NUDT21: variants seen among roughly 807,000 people sequenced by gnomAD.
NUDT21 encodes nudix hydrolase 21, also known as cleavage and polyadenylation specificity factor subunit 5.
In NUDT21, 5 loss-of-function variants were observed where a neutral mutation model predicts 29.8. The ratio of observed to expected loss-of-function variants is 0.17; its 90% CI spans 0.09 to 0.35. NUDT21 has a LOEUF of 0.35. NUDT21 is among the 10% of genes least tolerant of loss of function. The pLI, the probability that NUDT21 is intolerant of heterozygous loss-of-function variation, is 1.00. For missense variants in NUDT21, 76 were observed against 276.0 expected (o/e 0.28, Z 5.13); for synonymous variants, 113 against 98.5 (o/e 1.15, Z -0.87).
At chr16:56,447,508 A>G (rs988827388) in intron 2 of NUDT21, 3 of 386,194 alleles carry the variant, frequency 7.8e-6, no homozygotes, top group Admixed American at 8.6e-5. Context: ...TAATGCTACA[A>G]TGACATCTAG....
chr16:56,446,937 C>A (rs375439179), intron 2 of NUDT21: 1 of 341,208 alleles, frequency 2.9e-6, no homozygotes, highest in South Asian at 6.2e-5. Flanking sequence ...GTAGATTCAA[C>A]GGGTACATGT....
At chr16:56,444,614 C>T (rs142747803) in intron 3 of NUDT21, among the ~76,000 whole-genome samples, 1 of 116,810 alleles carries the variant, frequency 8.6e-6, no homozygotes, top group Non-Finnish European at 1.9e-5. Context: ...AAAAAAAAAA[C>T]AAAAACAAAA....
chr16:56,446,517 G>T, intron 3 of NUDT21, 109 bp downstream of exon 3: 1 of 607,876 alleles, frequency 1.6e-6, no homozygotes, highest in East Asian at 2.9e-5. Context: ...AGTTTAAGTT[G>T]TATTTATTGA....
At chr16:56,447,735 T>C (rs1262585977) in intron 2 of NUDT21, 54 bp downstream of exon 2, 1 of 1,519,912 alleles carries the variant, frequency 6.6e-7, no homozygotes, top group Non-Finnish European at 9.1e-7. Context: ...CAGAGCTGCA[T>C]AAACAGCAAT....
chr16:56,442,381 T>C (rs1157085158), intron 3 of NUDT21, among the ~76,000 whole-genome samples: 1 of 152,218 alleles, frequency 6.6e-6, no homozygotes, highest in Non-Finnish European at 1.5e-5. Flanking sequence ...ATTTATAGTT[T>C]GATTAGAAAA....
chr16:56,434,255 C>T (rs571136023), intron 6 of NUDT21, 76 bp downstream of exon 6: 630 of 913,188 alleles, frequency 6.9e-4, no homozygotes, highest in Middle Eastern at 1.1e-3. Flanking sequence ...ATGAACTATA[C>T]CTTCCCAAGT....
At chr16:56,438,263 TCTCA>T (rs1256227523) in intron 4 of NUDT21, among the ~76,000 whole-genome samples, 1 of 152,174 alleles carries the variant, frequency 6.6e-6, no homozygotes, top group Non-Finnish European at 1.5e-5. Flanking sequence ...GCACTCTGTC[TCTCA>T]CTATCTCTTG....
At position 56,432,692 on chromosome 16, in the gene NUDT21, C is replaced by T. The variant is rs773085708; in HGVS notation, c.*20G>A. ...TCACAGAGACAAGCGGCTTCTTTTACTTCTCCACTGCGCAGGAATTCAGTT... is the reference window on the plus strand; with the variant it reads ...TCACAGAGACAAGCGGCTTCTTTTATTTCTCCACTGCGCAGGAATTCAGTT... On this transcript the variant is annotated 3_prime_UTR_variant, in exon 7 of 7. Transcript: ENST00000300291. 1.4e-5 allele frequency: 23 copies of T among 1,608,728 alleles called. No individual in the cohort carries two copies. Among genetic ancestry groups the T allele is most frequent in the African/African-American group, 6.7e-5 (5 of 74,630 alleles).
chr16:56,443,189 T>C (rs1187101856), intron 3 of NUDT21, among the ~76,000 whole-genome samples: 2 of 152,130 alleles, frequency 1.3e-5, no homozygotes, highest in Non-Finnish European at 2.9e-5. Context: ...TTTCTTTTTT[T>C]TTTTTGAGAC....
intron 3 of NUDT21, among the ~76,000 whole-genome samples, chr16:56,446,098 G>C (rs1273294167): frequency 1.3e-5 from 2 of 152,076 alleles, no homozygotes; most frequent in Non-Finnish European, 2.9e-5. Context: ...CTATGCATTT[G>C]GCCCCAAGTC....
chr16:56,439,791 C>T lies in NUDT21; in HGVS notation c.382-45G>A, dbSNP rs755903586. 176 of 1,424,582 alleles carry T rather than the reference C, an allele frequency of 1.2e-4. 1 individual carries two copies. The highest frequency in any genetic ancestry group is 1.3e-4 in the Non-Finnish European group (136 of 1,007,708). The allele number at this position is 1,424,582 out of a possible 1,614,324, so 88.2% of individuals were successfully genotyped here. A position where few individuals can be genotyped will look rare whatever the true frequency, so the allele number is the denominator to read the frequency against. On this transcript the variant is annotated intron_variant, in intron 3 of 6. Transcript: ENST00000300291. ...CAGTAAACAACTAAATATATGTACT[C>T]ACAAATCCCCTTCTTCAGTGAACAG...
chr16:56,439,369 C>T (rs1179879821), intron 4 of NUDT21: 2 of 301,042 alleles, frequency 6.6e-6, no homozygotes, highest in Non-Finnish European at 1.3e-5. Flanking sequence ...GACGAGCTTT[C>T]ACCATGTTGG....
At chr16:56,447,370 G>A (rs4784669) in intron 2 of NUDT21, among the ~76,000 whole-genome samples, 65,018 of 151,964 alleles carry the variant, frequency 0.43, 14,666 homozygotes, top group African/African-American at 0.56. Flanking sequence ...AAATAGTTAC[G>A]GATCAAATGT....
At chr16:56,443,646 C>A (rs754163053) in intron 3 of NUDT21, among the ~76,000 whole-genome samples, 3 of 152,140 alleles carry the variant, frequency 2.0e-5, no homozygotes, top group Non-Finnish European at 4.4e-5. Flanking sequence ...GTTTAATACC[C>A]TTCCTCCATC....
chr16:56,435,636 G>C (rs1200426196), intron 4 of NUDT21, among the ~76,000 whole-genome samples: 18 of 145,074 alleles, frequency 1.2e-4, no homozygotes, highest in African/African-American at 4.5e-4. Flanking sequence ...TGAGGCAGGA[G>C]AATGGCGTGA....
At chr16:56,440,832 A>T (rs1192745692) in intron 3 of NUDT21, among the ~76,000 whole-genome samples, 2 of 151,996 alleles carry the variant, frequency 1.3e-5, no homozygotes, top group Non-Finnish European at 2.9e-5. Flanking sequence ...TCCACCTCCC[A>T]GGTTCAAGTG....
intron 6 of NUDT21, among the ~76,000 whole-genome samples, chr16:56,433,104 T>TC (rs1269756864): frequency 6.6e-6 from 1 of 152,062 alleles, no homozygotes; most frequent in African/African-American, 2.4e-5. Context: ...ATGACTCTTT[T>TC]CCCCCCATAT....
chr16:56,448,465 T>G (rs531396838), intron 1 of NUDT21, among the ~76,000 whole-genome samples: 20 of 152,320 alleles, frequency 1.3e-4, no homozygotes, highest in African/African-American at 4.6e-4. Context: ...ATTTTCTATT[T>G]CTCTCAGTCA....
intron 3 of NUDT21, among the ~76,000 whole-genome samples, chr16:56,444,567 T>C (rs1596957032): frequency 7.8e-6 from 1 of 128,562 alleles, no homozygotes; most frequent in Non-Finnish European, 1.6e-5. Flanking sequence ...GCCACTGCAC[T>C]CCAGCCTGGG....
Sources: gnomAD v4.1 joint callset for allele counts (sites outside exome capture counted in the v4.1 genomes callset) on GRCh38, gnomAD v4.1.1 for gene constraint, MANE v1.5 for transcripts, NCBI Gene and HGNC (gene_info 2026-07-23, HGNC 2026-07-21) for gene names.